The following TMTC2 variants were observed in gnomAD, a reference collection of about 807,000 sequenced individuals.
TMTC2 encodes protein O-mannosyl-transferase TMTC2.
Under a neutral mutation model 82.4 loss-of-function variants are expected in TMTC2, and 43 were observed. The ratio of observed to expected loss-of-function variants is 0.52; its 90% CI spans 0.41 to 0.67. TMTC2 has a LOEUF of 0.67. Ranked by LOEUF, TMTC2 falls within the 30% of genes least tolerant of loss-of-function variation. The pLI is 0.00. For synonymous variants in TMTC2, 408 were observed against 381.9 expected (o/e 1.07, Z -0.80); for missense variants, 919 against 1,012.4 (o/e 0.91, Z 1.25).
intron 7 of TMTC2, among the ~76,000 whole-genome samples, chr12:82,985,003 A>G (rs1487130047): frequency 1.4e-5 from 1 of 72,954 alleles, no homozygotes; most frequent in East Asian, 4.8e-4. Flanking sequence ...TTCCAAATGA[A>G]ACTGGTAAAA....
Position 83,132,915 on chromosome 12 carries a change from C to G in TMTC2, c.*526C>G, listed in dbSNP as rs1885311959. 6.5e-6 allele frequency: 1 copy of G among 153,496 alleles called. No individual in the cohort carries two copies. The allele number at this position is 153,496 out of a possible 1,614,324, so 9.5% of individuals were successfully genotyped here. A position where few individuals can be genotyped will look rare whatever the true frequency, so the allele number is the denominator to read the frequency against. ...TTATCAATTTCTGAAGCTTAGAACA[C>G]TTTTTTTAATACTGTGTCAAGATCT... On this transcript the variant is annotated 3_prime_UTR_variant, in exon 12 of 12. Coordinates refer to ENST00000321196, the MANE Select transcript of TMTC2 (RefSeq NM_152588.3).
At chr12:82,960,701 G>C (rs1877882103) in intron 4 of TMTC2, among the ~76,000 whole-genome samples, 1 of 151,920 alleles carries the variant, frequency 6.6e-6, no homozygotes, top group South Asian at 2.1e-4. Flanking sequence ...CTCAGTACCT[G>C]GGTGATGGGA....
intron 2 of TMTC2, among the ~76,000 whole-genome samples, chr12:82,891,538 C>T (rs1289965979): frequency 1.3e-5 from 2 of 152,072 alleles, no homozygotes; most frequent in Non-Finnish European, 2.9e-5. Flanking sequence ...GAGCTCCCGA[C>T]CTCAGGTGAC....
At chr12:83,110,630 A>G (rs1884568873) in intron 11 of TMTC2, among the ~76,000 whole-genome samples, 2 of 152,238 alleles carry the variant, frequency 1.3e-5, no homozygotes, top group African/African-American at 4.8e-5. Context: ...CATTTGACAC[A>G]GAGGATTACT....
At chr12:82,951,333 T>A (rs967263105) in intron 4 of TMTC2, among the ~76,000 whole-genome samples, 2 of 151,954 alleles carry the variant, frequency 1.3e-5, no homozygotes, top group Non-Finnish European at 2.9e-5. Context: ...GCTCTGTCGC[T>A]AGGCTGGAGT....
chr12:83,121,526 G>A (rs1244624103), intron 11 of TMTC2, among the ~76,000 whole-genome samples: 1 of 152,118 alleles, frequency 6.6e-6, no homozygotes, highest in Non-Finnish European at 1.5e-5. Flanking sequence ...TATCTCAGCT[G>A]TGGAAACCAG....
chr12:82,965,551 C>T lies in TMTC2; in HGVS notation c.1685-9C>T. The T allele has an allele frequency of 6.2e-7, 1 of 1,612,364 alleles. No individual in the cohort carries two copies. The highest frequency in any genetic ancestry group is 8.5e-7 in the Non-Finnish European group (1 of 1,178,872). On this transcript the variant is annotated splice_polypyrimidine_tract_variant and intron_variant, in intron 5 of 11. Transcript: ENST00000321196. The stretch of plus-strand genomic sequence containing the variant: ...TTCTCACACTTTTGTTTCCACTTTT[C>T]CCCCTCAGCTGCATATTTAAATACC...
At chr12:83,080,926 A>G (rs751567657) in intron 11 of TMTC2, among the ~76,000 whole-genome samples, 1 of 152,206 alleles carries the variant, frequency 6.6e-6, no homozygotes, top group African/African-American at 2.4e-5. Context: ...GTGAAATGAC[A>G]CAGACTTTAA....
intron 11 of TMTC2, among the ~76,000 whole-genome samples, chr12:83,121,277 G>A (rs914355580): frequency 3.9e-5 from 6 of 152,158 alleles, no homozygotes; most frequent in Non-Finnish European, 8.8e-5. Flanking sequence ...TCTCATTTGA[G>A]TAGGCTCTAT....
At chr12:83,084,203 C>A (rs1191546532) in intron 11 of TMTC2, among the ~76,000 whole-genome samples, 1 of 152,136 alleles carries the variant, frequency 6.6e-6, no homozygotes, top group Non-Finnish European at 1.5e-5. Flanking sequence ...GTAGAAGTAA[C>A]AACACATGTA....
chr12:82,738,531 C>T (rs1288851898), intron 1 of TMTC2, among the ~76,000 whole-genome samples: 3 of 152,098 alleles, frequency 2.0e-5, no homozygotes, highest in Admixed American at 6.6e-5. Context: ...GGTTGGCTCA[C>T]GTGTTCATTT....
intron 11 of TMTC2, 65 bp downstream of exon 11, chr12:83,061,896 G>A: frequency 2.4e-6 from 3 of 1,225,426 alleles, no homozygotes; most frequent in Non-Finnish European, 2.2e-6. Flanking sequence ...ATAGGTGTAA[G>A]AAGCATCATG....
At chr12:82,697,491 G>C (rs1045673026) in intron 1 of TMTC2, among the ~76,000 whole-genome samples, 3 of 152,096 alleles carry the variant, frequency 2.0e-5, no homozygotes, top group South Asian at 4.2e-4. Context: ...TAAATTCCTG[G>C]ATTAAAAATG....
rs768519188 is a variant in TMTC2, at chr12:82,895,864, G to C, written c.701G>C (p.Trp234Ser). ...LFLSISLLIFWGSSLLGARLY... is the reference protein window; with the variant it reads ...LFLSISLLIFSGSSLLGARLY... ...CTAAGCATTAGTTTGTTAATTTTCTGGGGTTCCTCCCTTTTGGGTGCCCGG... is the reference window on the plus strand; with the variant it reads ...CTAAGCATTAGTTTGTTAATTTTCTCGGGTTCCTCCCTTTTGGGTGCCCGG... Residue 234 changes from tryptophan to serine, a missense_variant, in exon 3 of 12, where the codon TGG becomes TCG. Physicochemically the swap from Trp to Ser is radical, Grantham distance 177. Transcript: ENST00000321196. The C allele has an allele frequency of 6.2e-7, 1 of 1,612,572 alleles. No homozygotes were observed. Among genetic ancestry groups the C allele is most frequent in the South Asian group, 1.1e-5 (1 of 90,990 alleles).
intron 1 of TMTC2, among the ~76,000 whole-genome samples, chr12:82,802,445 C>T (rs980702307): frequency 6.6e-6 from 1 of 152,174 alleles, no homozygotes; most frequent in African/African-American, 2.4e-5. Flanking sequence ...AGAGTGGGCG[C>T]CAAGGCTGAG....
intron 1 of TMTC2, among the ~76,000 whole-genome samples, chr12:82,775,956 C>T (rs1471263909): frequency 6.6e-6 from 1 of 151,806 alleles, no homozygotes; most frequent in African/African-American, 2.4e-5. Context: ...CGTGTTCTTT[C>T]CTTTTGAGAG....
At chr12:82,914,836 T>A (rs1457129172) in intron 3 of TMTC2, among the ~76,000 whole-genome samples, 1 of 147,728 alleles carries the variant, frequency 6.8e-6, no homozygotes, top group African/African-American at 2.5e-5. Flanking sequence ...TTTTTTTTTT[T>A]TTTTTTGAGA....
rs148101181 is a variant in TMTC2 at position 82,748,906 on chromosome 12, G to A, written c.83+61237G>A. 7.4e-3 allele frequency among the ~76,000 whole-genome samples: 1,133 copies of A among 152,244 alleles called. 6 individuals carry two copies. Among genetic ancestry groups the A allele is most frequent in the Middle Eastern group, 0.017 (5 of 294 alleles). On this transcript the variant is annotated intron_variant, in intron 1 of 11. Transcript: ENST00000321196. ...AAGAATCACACACATACACACACACGTATGTATGTGTATATATGTATGTGT... is the reference window on the plus strand; with the variant it reads ...AAGAATCACACACATACACACACACATATGTATGTGTATATATGTATGTGT...
intron 8 of TMTC2, among the ~76,000 whole-genome samples, chr12:83,029,510 A>G (rs1354293850): frequency 6.6e-6 from 1 of 152,180 alleles, no homozygotes; most frequent in Non-Finnish European, 1.5e-5. Flanking sequence ...TTAAAAATAT[A>G]CTCAAAGTAA....
Sources: allele counts gnomAD v4.1 joint callset (sites outside exome capture counted in the v4.1 genomes callset), GRCh38; gene constraint gnomAD v4.1.1; transcripts MANE v1.5; gene names NCBI Gene and HGNC (gene_info 2026-07-23, HGNC 2026-07-21).